The following SYNRG variants were observed in gnomAD, a reference collection of about 807,000 sequenced individuals.
SYNRG encodes the protein AP1 gamma subunit binding protein 1.
In SYNRG, 37 loss-of-function variants were observed where a neutral mutation model predicts 130.9. The observed-to-expected ratio is 0.28, with a 90% CI of 0.22 to 0.37. The LOEUF (loss-of-function observed/expected upper bound fraction) is 0.37. Ranked by LOEUF, SYNRG falls within the 10% of genes least tolerant of loss-of-function variation. SYNRG has a pLI of 1.00. For synonymous variants in SYNRG, 539 were observed against 568.1 expected (o/e 0.95, Z 0.73); for missense variants, 1,338 against 1,588.9 (o/e 0.84, Z 2.68).
chr17:37,553,705 A>G lies in SYNRG; in HGVS notation c.2018T>C (p.Phe673Ser), dbSNP rs1160132322. 2 of 1,613,588 alleles carry G rather than the reference A, an allele frequency of 1.2e-6. No individual in the cohort carries two copies. The highest frequency in any genetic ancestry group is 2.7e-5 in the African/African-American group (2 of 74,898). The change falls in exon 14 of 22, where the codon TTC becomes TCC. Residue 673 changes from phenylalanine to serine, a missense_variant. This residue lies in a region of SYNRG where 1,146 missense variants were observed against 1,342.3 expected (regional missense o/e 0.85). Coordinates refer to ENST00000612223, the MANE Select transcript of SYNRG (RefSeq NM_007247.6). ...ACCAGAATATTCCCCAAAAAGGCTG[A>G]ATTCTCCAAAATCATCAGCCAAACT... ...TSSLADDFGEFSLFGEYSGLA... is the reference protein window; with the variant it reads ...TSSLADDFGESSLFGEYSGLA...
Position 37,576,410 on chromosome 17 carries a change from C to T in SYNRG, c.832G>A (p.Val278Ile). The change falls in exon 8 of 22, where the codon GTA becomes ATA. Residue 278 changes from valine to isoleucine, a missense_variant. By Grantham distance (29) the Val-to-Ile change is conservative. Around this residue, in one of 3 missense-constraint regions of SYNRG, gnomAD observed 1,146 missense variants for 1,342.3 expected, o/e 0.85. Transcript: ENST00000612223. ...TGAGCAGGATCCTGTGAGGGAAATA[C>T]TCCCACACCTAGAAGGTAAGAAACA... Reference protein sequence around the residue: ...NLSIEESGVGVFPSQDPAQPR... With the variant: ...NLSIEESGVGIFPSQDPAQPR... 1.9e-6 allele frequency: 3 copies of T among 1,613,418 alleles called. No individual in the cohort carries two copies. Among genetic ancestry groups the T allele is most frequent in the South Asian group, 1.1e-5 (1 of 91,036 alleles).
chr17:37,519,641 A>AGTT (rs1371485727), intron 21 of SYNRG, among the ~76,000 whole-genome samples: 1 of 151,882 alleles, frequency 6.6e-6, no homozygotes, highest in Non-Finnish European at 1.5e-5. Flanking sequence ...ACAGGTATGG[A>AGTT]GTTAAAAAAA....
intron 1 of SYNRG, among the ~76,000 whole-genome samples, chr17:37,602,152 A>G (rs1005317324): frequency 6.6e-6 from 1 of 152,080 alleles, no homozygotes; most frequent in Non-Finnish European, 1.5e-5. Flanking sequence ...CCTGACCAAC[A>G]TGGAGAAACC....
At chr17:37,590,645 G>C (rs192754903) in intron 3 of SYNRG, among the ~76,000 whole-genome samples, 1 of 152,276 alleles carries the variant, frequency 6.6e-6, no homozygotes. Context: ...ATATGGCCAG[G>C]CGCAGTGGCT....
intron 20 of SYNRG, 113 bp downstream of exon 20, chr17:37,520,425 G>C: frequency 8.5e-7 from 1 of 1,182,310 alleles, no homozygotes; most frequent in Middle Eastern, 2.1e-4. Context: ...TTTAGGACTT[G>C]AGAAAATCCC....
At chr17:37,533,924 TTC>T (rs1356401318) in intron 19 of SYNRG, among the ~76,000 whole-genome samples, 8 of 137,346 alleles carry the variant, frequency 5.8e-5, no homozygotes, top group East Asian at 2.1e-4. Context: ...TCATTTTCTT[TTC>T]TTTTTTTTTT....
At position 37,514,866 on chromosome 17, in the gene SYNRG, C is replaced by A. The variant is rs974605690; in HGVS notation, c.*4074G>T. ...AACAAGGGGTGATTTCAGAACAGAC[C>A]CTGAAAATATTTTAAAGGTAAAGCT... On this transcript the variant is annotated 3_prime_UTR_variant, in exon 22 of 22. Transcript: ENST00000612223. The A allele has an allele frequency of 6.6e-6, 1 of 152,044 alleles. No homozygotes were observed. The highest frequency in any genetic ancestry group is 2.4e-5 in the African/African-American group (1 of 41,386). The allele number at this position is 152,044 out of a possible 1,614,324, so 9.4% of individuals were successfully genotyped here.
chr17:37,591,644 T>C (rs1247452203), intron 3 of SYNRG, among the ~76,000 whole-genome samples: 1 of 152,136 alleles, frequency 6.6e-6, no homozygotes, highest in Admixed American at 6.5e-5. Flanking sequence ...TAGAGAAAGA[T>C]CCATACAAGC....
chr17:37,586,666 TA>T, intron 3 of SYNRG, 117 bp from the exon 4 acceptor site: 1 of 1,196,578 alleles, frequency 8.4e-7, no homozygotes, highest in Non-Finnish European at 1.2e-6. Context: ...AATAGAAATA[TA>T]TTGGATTAAA....
chr17:37,587,628 C>G (rs2061798617), intron 3 of SYNRG, among the ~76,000 whole-genome samples: 1 of 152,120 alleles, frequency 6.6e-6, no homozygotes, highest in South Asian at 2.1e-4. Context: ...ATCTACTGAC[C>G]CTCAACTTCC....
intron 14 of SYNRG, among the ~76,000 whole-genome samples, chr17:37,544,350 T>C (rs1022360230): frequency 6.6e-6 from 1 of 151,954 alleles, no homozygotes; most frequent in East Asian, 1.9e-4. Context: ...GTTTCACTCT[T>C]GTCACCCAGC....
chr17:37,571,768 C>CA, intron 9 of SYNRG, 23 bp downstream of exon 9: 1 of 1,573,572 alleles, frequency 6.4e-7, no homozygotes, highest in Non-Finnish European at 8.6e-7. Flanking sequence ...GTTATTTGAT[C>CA]TAACTTAAGA....
intron 2 of SYNRG, among the ~76,000 whole-genome samples, chr17:37,597,496 T>C (rs962516750): frequency 2.6e-5 from 4 of 152,262 alleles, no homozygotes; most frequent in African/African-American, 9.6e-5. Context: ...CCTTGGGCAA[T>C]CTGCTTCTTT....
chr17:37,525,240 G>A (rs1407903146), intron 19 of SYNRG, among the ~76,000 whole-genome samples: 1 of 151,946 alleles, frequency 6.6e-6, no homozygotes, highest in Non-Finnish European at 1.5e-5. Flanking sequence ...TCCTTATTTG[G>A]CAAGTATTTC....
At chr17:37,549,256 AT>A (rs554036125) in intron 14 of SYNRG, among the ~76,000 whole-genome samples, 32 of 152,300 alleles carry the variant, frequency 2.1e-4, no homozygotes, top group African/African-American at 6.0e-4. Context: ...CCATGGAAAT[AT>A]CCCCTTTCCC....
At chr17:37,590,615 A>G (rs2062088103) in intron 3 of SYNRG, among the ~76,000 whole-genome samples, 1 of 152,218 alleles carries the variant, frequency 6.6e-6, no homozygotes. Flanking sequence ...ACAAATATAT[A>G]AAATAATACA....
intron 3 of SYNRG, among the ~76,000 whole-genome samples, chr17:37,594,128 G>A (rs1265090402): frequency 6.7e-6 from 1 of 149,168 alleles, no homozygotes; most frequent in Admixed American, 6.7e-5. Context: ...AGATAATTGT[G>A]TAAGTCATAA....
At chr17:37,533,447 T>C (rs532139424) in intron 19 of SYNRG, among the ~76,000 whole-genome samples, 4 of 149,278 alleles carry the variant, frequency 2.7e-5, no homozygotes, top group African/African-American at 9.7e-5. Context: ...GCAGAATAGA[T>C]TGCTAGGAGA....
chr17:37,523,721 T>C (rs1448713446), intron 19 of SYNRG, among the ~76,000 whole-genome samples: 3 of 152,076 alleles, frequency 2.0e-5, no homozygotes, highest in African/African-American at 7.2e-5. Flanking sequence ...GGAGGTGTGA[T>C]TGTCTCCACC....
Sources: allele counts gnomAD v4.1 joint callset (sites outside exome capture counted in the v4.1 genomes callset), GRCh38; gene constraint gnomAD v4.1.1; regional missense constraint gnomAD v4.1.1; transcripts MANE v1.5; gene names NCBI Gene and HGNC (gene_info 2026-07-23, HGNC 2026-07-21).